The following ARHGAP6 variants were observed in gnomAD, a reference collection of about 807,000 sequenced individuals.
ARHGAP6 encodes rho GTPase-activating protein 6.
A neutral mutation model predicts 55.7 loss-of-function variants in ARHGAP6; 16 were observed. That is an observed-to-expected ratio of 0.29 (90% CI 0.19 to 0.44). The LOEUF is 0.44. Ranked by LOEUF, ARHGAP6 falls within the 20% of genes least tolerant of loss-of-function variation. ARHGAP6 has a pLI of 1.00. For synonymous variants in ARHGAP6, 382 were observed against 360.9 expected (o/e 1.06, Z -0.66); for missense variants, 698 against 808.9 (o/e 0.86, Z 1.66).
intron 2 of ARHGAP6, among the ~76,000 whole-genome samples, chrX:11,233,355 G>A (rs750587809): frequency 1.5e-4 from 17 of 111,237 alleles, no homozygotes; most frequent in Non-Finnish European, 2.8e-4. Context: ...CTGCTAATGC[G>A]CATTAAATCA....
At chrX:11,463,771 C>T (rs761013453) in intron 1 of ARHGAP6, among the ~76,000 whole-genome samples, 3 of 112,475 alleles carry the variant, frequency 2.7e-5, no homozygotes, top group Admixed American at 9.4e-5. Flanking sequence ...TCTGTCTTTG[C>T]GTGCTTCCCA....
intron 1 of ARHGAP6, among the ~76,000 whole-genome samples, chrX:11,445,431 C>T (rs2050083620): frequency 8.9e-6 from 1 of 112,026 alleles, no homozygotes; most frequent in Non-Finnish European, 1.9e-5. Flanking sequence ...TTAATAATTA[C>T]ATCCAGATGA....
chrX:11,196,756 T>C (rs2046546945), intron 3 of ARHGAP6, among the ~76,000 whole-genome samples, 169 bp downstream of exon 3: 1 of 112,018 alleles, frequency 8.9e-6, no homozygotes, highest in Admixed American at 9.5e-5. Flanking sequence ...ACAGGGCTGC[T>C]CAAACACAGA....
intron 2 of ARHGAP6, among the ~76,000 whole-genome samples, chrX:11,238,158 C>T (rs1356141416): frequency 8.9e-6 from 1 of 112,462 alleles, no homozygotes; most frequent in Non-Finnish European, 1.9e-5. Flanking sequence ...TGTCACAATG[C>T]TCAAGTTATA....
At chrX:11,267,321 T>C (rs188420335) in intron 1 of ARHGAP6, among the ~76,000 whole-genome samples, 1 of 112,328 alleles carries the variant, frequency 8.9e-6, no homozygotes, top group Non-Finnish European at 1.9e-5. Flanking sequence ...GGCATTGTTT[T>C]AGGCATTTTA....
chrX:11,258,552 G>A (rs2047520005), intron 1 of ARHGAP6, among the ~76,000 whole-genome samples: 1 of 111,596 alleles, frequency 9.0e-6, no homozygotes, highest in African/African-American at 3.3e-5. Context: ...TATTTTTCTT[G>A]AGCTTTGATT....
chrX:11,411,185 A>T (rs1206261164), intron 1 of ARHGAP6, among the ~76,000 whole-genome samples: 31 of 44,183 alleles, frequency 7.0e-4, no homozygotes, highest in African/African-American at 2.6e-3. Flanking sequence ...GACATTATTT[A>T]TATATATATA....
At chrX:11,188,584 G>T in intron 4 of ARHGAP6, 144 bp downstream of exon 4, 1 of 891,340 alleles carries the variant, frequency 1.1e-6, no homozygotes, top group Non-Finnish European at 1.6e-6. Context: ...CGTGCCCAGT[G>T]CACATTCTTC....
intron 2 of ARHGAP6, among the ~76,000 whole-genome samples, chrX:11,200,788 T>C (rs752885143): frequency 2.1e-4 from 24 of 112,267 alleles, no homozygotes; most frequent in Non-Finnish European, 4.1e-4. Flanking sequence ...AGCAATGAAG[T>C]GCATACCTCC....
intron 1 of ARHGAP6, among the ~76,000 whole-genome samples, chrX:11,427,981 C>T (rs1332977826): frequency 8.9e-6 from 1 of 112,466 alleles, no homozygotes; most frequent in East Asian, 2.8e-4. Context: ...AACGCGCCCA[C>T]GACAGGTGTC....
intron 1 of ARHGAP6, among the ~76,000 whole-genome samples, chrX:11,561,145 G>T (rs975008684): frequency 5.4e-5 from 6 of 112,002 alleles, no homozygotes; most frequent in Admixed American, 9.5e-5. Context: ...GAAGATGTTT[G>T]CCAGCCCTTG....
intron 1 of ARHGAP6, among the ~76,000 whole-genome samples, chrX:11,586,571 G>C (rs773488731): frequency 9.8e-5 from 11 of 111,811 alleles, no homozygotes; most frequent in Non-Finnish European, 2.1e-4. Flanking sequence ...TTTGGTTACT[G>C]TAGCCCCATA....
intron 2 of ARHGAP6, among the ~76,000 whole-genome samples, chrX:11,228,872 G>A (rs776129757): frequency 7.2e-5 from 8 of 111,792 alleles, no homozygotes; most frequent in Non-Finnish European, 1.5e-4. Flanking sequence ...GTTAATTCTC[G>A]TATAAATTAG....
At chrX:11,601,155 A>C (rs906129449) in intron 1 of ARHGAP6, among the ~76,000 whole-genome samples, 4 of 111,952 alleles carry the variant, frequency 3.6e-5, no homozygotes, top group Admixed American at 9.5e-5. Flanking sequence ...ACCAGCAAGC[A>C]GTTCCAGGTG....
chrX:11,588,573 A>G (rs1288824802), intron 1 of ARHGAP6, among the ~76,000 whole-genome samples: 15 of 112,522 alleles, frequency 1.3e-4, no homozygotes, highest in Admixed American at 1.1e-3. Flanking sequence ...CATACAATAA[A>G]TTATTCAGCA....
chrX:11,265,746 C>T (rs866168026), intron 1 of ARHGAP6: 2 of 919,947 alleles, frequency 2.2e-6, no homozygotes, highest in Middle Eastern at 6.3e-4. Flanking sequence ...ACTAAGCTTG[C>T]AGTAGGAAGT....
intron 1 of ARHGAP6, among the ~76,000 whole-genome samples, chrX:11,457,839 C>T (rs2050207907): frequency 8.9e-6 from 1 of 112,045 alleles, no homozygotes; most frequent in African/African-American, 3.2e-5. Context: ...CCCCACTTTC[C>T]CACAGCAGTA....
intron 9 of ARHGAP6, among the ~76,000 whole-genome samples, chrX:11,159,676 G>T (rs1000965825): frequency 1.8e-5 from 2 of 110,789 alleles, no homozygotes; most frequent in Admixed American, 9.6e-5. Context: ...AATGAAGGAG[G>T]TATCTTGTAG....
chrX:11,469,208 A>G (rs867638997), intron 1 of ARHGAP6, among the ~76,000 whole-genome samples: 4 of 112,961 alleles, frequency 3.5e-5, no homozygotes, highest in South Asian at 3.6e-4. Flanking sequence ...ATGCTTTTTA[A>G]GAAACTATGT....
Sources: gnomAD v4.1 joint callset for allele counts (sites outside exome capture counted in the v4.1 genomes callset) on GRCh38, gnomAD v4.1.1 for gene constraint, MANE v1.5 for transcripts, NCBI Gene and HGNC (gene_info 2026-07-23, HGNC 2026-07-21) for gene names.